The following TNFSF13B variants were observed in gnomAD, a reference collection of about 807,000 sequenced individuals.
TNFSF13B encodes tumor necrosis factor ligand superfamily member 13B.
In TNFSF13B, 8 loss-of-function variants were observed where a neutral mutation model predicts 29.1. That is an observed-to-expected ratio of 0.27 (90% CI 0.16 to 0.50). TNFSF13B has a LOEUF of 0.50. TNFSF13B is among the 20% of genes least tolerant of loss of function. The pLI, the probability that TNFSF13B is intolerant of heterozygous loss-of-function variation, is 0.98. For missense variants in TNFSF13B, 248 were observed against 334.9 expected (o/e 0.74, Z 2.03); for synonymous variants, 125 against 130.8 (o/e 0.96, Z 0.30).
chr13:108,277,653 T>C (rs924995242), intron 2 of TNFSF13B, among the ~76,000 whole-genome samples: 2 of 152,222 alleles, frequency 1.3e-5, no homozygotes, highest in Non-Finnish European at 2.9e-5. Flanking sequence ...TCAGGGCTGC[T>C]AGTTGCCCAT....
chr13:108,270,038 T>C lies in TNFSF13B; in HGVS notation c.143T>C (p.Leu48Pro). ...CGATCCTCCAAAGACGGAAAGCTGC[T>C]GGCTGCAACCTTGCTGCTGGCACTG... is the stretch of plus-strand genomic sequence containing the variant. ...SVRSSKDGKL[L>P]AATLLLALLS... The change falls in exon 1 of 6, where the codon CTG becomes CCG. Residue 48 changes from leucine to proline, a missense_variant. By Grantham distance (98) the Leu-to-Pro change is moderately conservative. Transcript: ENST00000375887. The C allele has an allele frequency of 6.2e-7, 1 of 1,611,870 alleles. No homozygotes were observed. The highest frequency in any genetic ancestry group is 8.5e-7 in the Non-Finnish European group (1 of 1,180,000).
At chr13:108,289,079 G>A (rs1330232111) in intron 3 of TNFSF13B, among the ~76,000 whole-genome samples, 3 of 144,980 alleles carry the variant, frequency 2.1e-5, no homozygotes, top group African/African-American at 7.3e-5. Flanking sequence ...TTCCTAAGAA[G>A]TAAAAGAAAG....
At chr13:108,286,710 G>A in intron 2 of TNFSF13B, 93 bp from the exon 3 acceptor site, 1 of 690,652 alleles carries the variant, frequency 1.4e-6, no homozygotes, top group Admixed American at 2.7e-5. Flanking sequence ...AATTGATTTA[G>A]TGTTTCTGGA....
chr13:108,306,376 T>C (rs1267552095), intron 5 of TNFSF13B, among the ~76,000 whole-genome samples: 3 of 152,070 alleles, frequency 2.0e-5, no homozygotes, highest in South Asian at 4.1e-4. Context: ...ATGCTTTTCA[T>C]TTGTATGTTT....
chr13:108,277,278 C>T (rs1334169060), intron 2 of TNFSF13B, among the ~76,000 whole-genome samples: 1 of 152,128 alleles, frequency 6.6e-6, no homozygotes, highest in Admixed American at 6.5e-5. Context: ...GAAGTTAAGC[C>T]AAATTGATGC....
At chr13:108,301,956 A>C (rs17565502) in intron 3 of TNFSF13B, among the ~76,000 whole-genome samples, 41,942 of 152,034 alleles carry the variant, frequency 0.28, 6,429 homozygotes, top group South Asian at 0.38. Flanking sequence ...TTTTATTTGG[A>C]AAAAGTTTAA....
In TNFSF13B at chr13:108,269,912, A is replaced by T. The variant is rs369349335; in HGVS notation, c.17A>T (p.Glu6Val). MDDST[E>V]REQSRLTSCL... The stretch of plus-strand genomic sequence containing the variant: ...AGTAGTGATATGGATGACTCCACAG[A>T]AAGGGAGCAGTCACGCCTTACTTCT... Residue 6 changes from glutamate (E) to valine (V), a missense_variant, in exon 1 of 6, where the codon GAA (glutamate) becomes GTA (valine). By Grantham distance (121) the Glu-to-Val change is moderately radical (BLOSUM62 -2). Around this residue, in one of 2 missense-constraint regions of TNFSF13B, gnomAD observed 186 missense variants for 196.3 expected, o/e 0.95. Coordinates refer to ENST00000375887, the MANE Select transcript of TNFSF13B (RefSeq NM_006573.5). 111 of 1,610,316 alleles carry T rather than the reference A, an allele frequency of 6.9e-5. No homozygotes were observed. Among genetic ancestry groups the T allele is most frequent in the Non-Finnish European group, 9.3e-5 (110 of 1,178,794 alleles).
Position 108,307,036 on chromosome 13 carries a change from A to G in TNFSF13B, c.*98A>G. 1 of 701,908 alleles carries G rather than the reference A, an allele frequency of 1.4e-6. No individual in the cohort carries two copies. The highest frequency in any genetic ancestry group is 2.0e-5 in the South Asian group (1 of 50,090). 43.5% of individuals were successfully genotyped at this position (701,908 alleles called of 1,614,324 possible). ...AATACCAAAAAAAAAAAAAAAAAAA[A>G]AAAAAAAAAAAGTAGTTACCATTGC... is the stretch of plus-strand genomic sequence containing the variant. On this transcript the variant is annotated 3_prime_UTR_variant, in exon 6 of 6. Transcript: ENST00000375887.
rs188858109 is a variant in TNFSF13B, at chr13:108,305,608, T to C, written c.746-1218T>C. The stretch of plus-strand genomic sequence containing the variant: ...CAACAAATAAATCTCAATCTTTTTA[T>C]TCTTACTACTTAAGGTAGTCCTCAA... On this transcript the variant is annotated intron_variant, in intron 5 of 5. Coordinates refer to ENST00000375887, the MANE Select transcript of TNFSF13B (RefSeq NM_006573.5). Among the ~76,000 whole-genome samples, 266 of 152,304 alleles carry C rather than the reference T, an allele frequency of 1.7e-3. 1 individual carries two copies. The highest frequency in any genetic ancestry group is 3.2e-3 in the Non-Finnish European group (215 of 67,996).
At chr13:108,302,727 C>T (rs576331922) in intron 3 of TNFSF13B, 8 of 700,372 alleles carry the variant, frequency 1.1e-5, no homozygotes, top group South Asian at 1.3e-4. Flanking sequence ...GTTCCTTGAC[C>T]GTTCTTAGTA....
At position 108,306,989 on chromosome 13, in the gene TNFSF13B, A is replaced by G. The variant is rs1232785902; in HGVS notation, c.*51A>G. On this transcript the variant is annotated 3_prime_UTR_variant, in exon 6 of 6. Coordinates refer to ENST00000375887, the MANE Select transcript of TNFSF13B (RefSeq NM_006573.5). The stretch of plus-strand genomic sequence containing the variant: ...TTTTCCTCCCTTTCTCTGTACCTCT[A>G]AGAAGAAAGAATCTAACTGAAAATA... The G allele has an allele frequency of 1.4e-6, 1 of 699,264 alleles. No individual in the cohort carries two copies. The highest frequency in any genetic ancestry group is 2.3e-5 in the African/African-American group (1 of 44,104). 43.3% of individuals were successfully genotyped at this position (699,264 alleles called of 1,614,324 possible).
chr13:108,304,005 T>G (rs1159394869), intron 5 of TNFSF13B, among the ~76,000 whole-genome samples: 2 of 152,216 alleles, frequency 1.3e-5, no homozygotes, highest in African/African-American at 4.8e-5. Context: ...CCAGGCACTC[T>G]TTTCTGCATG....
intron 5 of TNFSF13B, among the ~76,000 whole-genome samples, chr13:108,304,748 CA>C (rs2139071830): frequency 6.6e-6 from 1 of 152,134 alleles, no homozygotes; most frequent in African/African-American, 2.4e-5. Flanking sequence ...AACAAATGCC[CA>C]ATAAGTCAGT....
intron 3 of TNFSF13B, among the ~76,000 whole-genome samples, chr13:108,295,996 G>T (rs1351767896): frequency 6.8e-6 from 1 of 146,148 alleles, no homozygotes; most frequent in Non-Finnish European, 1.5e-5. Flanking sequence ...AAAATTTAAT[G>T]AGAATTATTT....
intron 2 of TNFSF13B, among the ~76,000 whole-genome samples, chr13:108,274,650 C>G (rs755459341): frequency 4.6e-5 from 7 of 152,094 alleles, no homozygotes; most frequent in African/African-American, 9.7e-5. Context: ...GTCTGTAACA[C>G]AAGGACGTTT....
intron 2 of TNFSF13B, among the ~76,000 whole-genome samples, chr13:108,280,950 A>G (rs796219159): frequency 1.1e-4 from 17 of 152,248 alleles, no homozygotes; most frequent in African/African-American, 4.1e-4. Context: ...ATTTAGAGGT[A>G]TTAGAGGTAT....
chr13:108,301,981 C>T (rs1881640331), intron 3 of TNFSF13B, among the ~76,000 whole-genome samples: 1 of 152,042 alleles, frequency 6.6e-6, no homozygotes, highest in Non-Finnish European at 1.5e-5. Flanking sequence ...GTTTGGTTTG[C>T]CTTGGAAACA....
At chr13:108,293,948 C>A (rs1285352642) in intron 3 of TNFSF13B, among the ~76,000 whole-genome samples, 1 of 152,160 alleles carries the variant, frequency 6.6e-6, no homozygotes, top group Non-Finnish European at 1.5e-5. Flanking sequence ...AAAGGCACCA[C>A]CCCCTAATAC....
At chr13:108,283,174 G>A (rs927148900) in intron 2 of TNFSF13B, among the ~76,000 whole-genome samples, 1 of 152,194 alleles carries the variant, frequency 6.6e-6, no homozygotes, top group Admixed American at 6.5e-5. Context: ...GGCTGAATAG[G>A]AGATAAGTTG....
Sources: allele counts gnomAD v4.1 joint callset (sites outside exome capture counted in the v4.1 genomes callset), GRCh38; gene constraint gnomAD v4.1.1; regional missense constraint gnomAD v4.1.1; transcripts MANE v1.5; gene names NCBI Gene and HGNC (gene_info 2026-07-23, HGNC 2026-07-21).